BBX: variants seen among roughly 807,000 people sequenced by gnomAD.
The protein encoded by BBX is BBX high mobility group box domain containing, also known as HMG box transcription factor BBX.
A neutral mutation model predicts 100.2 loss-of-function variants in BBX; 30 were observed. The observed-to-expected ratio is 0.30, with a 90% confidence interval of 0.22 to 0.41. The LOEUF (loss-of-function observed/expected upper bound fraction) is 0.41, where lower values mean the gene tolerates loss of function less well. Among genes scored for constraint, BBX ranks in the 10% least tolerant of loss-of-function variants. The probability of loss-of-function intolerance (pLI) is 1.00; values close to 1 mark genes in which losing one functional copy is unlikely to be tolerated. For synonymous variants in BBX, 376 were observed against 388.1 expected (o/e 0.97, Z 0.37); for missense variants, 1,023 against 1,129.8 (o/e 0.91, Z 1.35).
chr3:107,591,099 T>G (rs1471960935), intron 2 of BBX, among the ~76,000 whole-genome samples: 1 of 152,190 alleles, frequency 6.6e-6, no homozygotes, highest in Non-Finnish European at 1.5e-5. Context: ...CTGGATAGAT[T>G]TTTTTCCCCC....
rs539629520 is a variant in BBX, at chr3:107,747,704, G to A, written c.751-261G>A. Among the ~76,000 whole-genome samples the A allele has an allele frequency of 3.3e-5, 5 of 150,108 alleles. No individual in the cohort carries two copies. The South Asian group carries it at 1.1e-3, about 32-fold the overall frequency. On this transcript the variant is annotated intron_variant, in intron 8 of 17. Transcript: ENST00000325805. ...TTTATGTCAACAGGTCTCCTTAACT[G>A]CTGTTTGATATATACCTGGTACCCT... is the stretch of plus-strand genomic sequence containing the variant.
chr3:107,780,969 AT>A (rs1576779149), intron 13 of BBX, among the ~76,000 whole-genome samples: 1 of 151,836 alleles, frequency 6.6e-6, no homozygotes, highest in East Asian at 1.9e-4. Context: ...TCCTCTGATA[AT>A]TTGCCATTTG....
At chr3:107,650,765 A>T (rs989913916) in intron 3 of BBX, among the ~76,000 whole-genome samples, 6 of 152,162 alleles carry the variant, frequency 3.9e-5, no homozygotes, top group African/African-American at 1.4e-4. Flanking sequence ...GCATCTTTAG[A>T]GGTTGTATTA....
At chr3:107,651,322 A>G (rs188813380) in intron 3 of BBX, among the ~76,000 whole-genome samples, 162 of 152,356 alleles carry the variant, frequency 1.1e-3, no homozygotes, top group African/African-American at 3.5e-3. Flanking sequence ...GAGACGTTTG[A>G]AATTACTGAA....
At chr3:107,615,588 A>G (rs1217472072) in intron 2 of BBX, among the ~76,000 whole-genome samples, 3 of 152,044 alleles carry the variant, frequency 2.0e-5, no homozygotes, top group Non-Finnish European at 2.9e-5. Flanking sequence ...AACTCCAAAA[A>G]CCATAACCTT....
At chr3:107,629,423 C>T (rs1422028894) in intron 2 of BBX, among the ~76,000 whole-genome samples, 1 of 152,100 alleles carries the variant, frequency 6.6e-6, no homozygotes, top group African/African-American at 2.4e-5. Flanking sequence ...AATTAGTACC[C>T]ATTATGCACA....
chr3:107,575,487 C>T (rs2051705994), intron 2 of BBX, among the ~76,000 whole-genome samples: 2 of 152,052 alleles, frequency 1.3e-5, no homozygotes, highest in Non-Finnish European at 2.9e-5. Context: ...GGAAAAAAAT[C>T]CTGGCAATAT....
Position 107,665,102 on chromosome 3 carries a change from A to G in BBX, c.-10+19193A>G, listed in dbSNP as rs191027397. 7.9e-3 allele frequency among the ~76,000 whole-genome samples: 1,201 copies of G among 152,254 alleles called. 7 individuals carry two copies. Among genetic ancestry groups the G allele is most frequent in the Non-Finnish European group, 0.012 (787 of 68,006 alleles). On this transcript the variant is annotated intron_variant, in intron 3 of 17. Coordinates refer to ENST00000325805, the MANE Select transcript of BBX (RefSeq NM_001142568.3). The stretch of plus-strand genomic sequence containing the variant: ...TTGTCAAGCTTGCTGCCACTACTAC[A>G]TGTATCTTCTGCAGTTTCCCAGGAA...
chr3:107,755,744 T>TTTAGGGAAACACTGTTA, intron 10 of BBX, 66 bp downstream of exon 10: 2 of 1,361,708 alleles, frequency 1.5e-6, no homozygotes, highest in Non-Finnish European at 2.1e-6. Context: ...ATTCTAACAG[T>TTTAGGGAAACACTGTTA]GTTTCCCTAA....
At chr3:107,615,597 T>C (rs983260101) in intron 2 of BBX, among the ~76,000 whole-genome samples, 3 of 152,088 alleles carry the variant, frequency 2.0e-5, no homozygotes, top group Non-Finnish European at 4.4e-5. Flanking sequence ...AACCATAACC[T>C]TGGGGCCTAG....
chr3:107,778,290 A>G (rs1421431578), intron 12 of BBX, 81 bp from the exon 13 acceptor site: 2 of 1,531,716 alleles, frequency 1.3e-6, no homozygotes, highest in Non-Finnish European at 1.8e-6. Flanking sequence ...TTCAAATAGA[A>G]TATCCTAAAA....
At chr3:107,695,084 CTT>C (rs1274706981) in intron 3 of BBX, among the ~76,000 whole-genome samples, 1 of 142,748 alleles carries the variant, frequency 7.0e-6, no homozygotes, top group East Asian at 2.0e-4. Flanking sequence ...ATTCTTCTCT[CTT>C]TTTTTCTTTA....
At chr3:107,745,570 G>A (rs766001313) in intron 8 of BBX, among the ~76,000 whole-genome samples, 1 of 151,804 alleles carries the variant, frequency 6.6e-6, no homozygotes, top group Non-Finnish European at 1.5e-5. Context: ...CAAGGGATCC[G>A]CTTGTCTCAG....
At chr3:107,644,483 A>G (rs1412816062) in intron 2 of BBX, among the ~76,000 whole-genome samples, 1 of 152,192 alleles carries the variant, frequency 6.6e-6, no homozygotes, top group African/African-American at 2.4e-5. Context: ...TCATAGATGT[A>G]TATGAAAAGT....
chr3:107,650,388 C>T (rs1377301557), intron 3 of BBX, among the ~76,000 whole-genome samples: 1 of 151,876 alleles, frequency 6.6e-6, no homozygotes, highest in African/African-American at 2.4e-5. Context: ...CCAAACCATC[C>T]CCCCCACCTC....
chr3:107,639,342 G>C (rs2057054904), intron 2 of BBX, among the ~76,000 whole-genome samples: 1 of 152,162 alleles, frequency 6.6e-6, no homozygotes. Flanking sequence ...GCAGGCTGAT[G>C]CCTAAACAGT....
At chr3:107,533,822 A>AT (rs371543683) in intron 2 of BBX, among the ~76,000 whole-genome samples, 8 of 151,098 alleles carry the variant, frequency 5.3e-5, no homozygotes, top group East Asian at 1.9e-4. Flanking sequence ...CTACCTGCAC[A>AT]TTTTTTTTTC....
At chr3:107,787,776 G>A (rs2107908373) in intron 13 of BBX, among the ~76,000 whole-genome samples, 1 of 152,308 alleles carries the variant, frequency 6.6e-6, no homozygotes, top group East Asian at 1.9e-4. Flanking sequence ...AAGCCTTGAA[G>A]GAGGTGAGGA....
chr3:107,688,603 A>G (rs1215753841), intron 3 of BBX, among the ~76,000 whole-genome samples: 3 of 152,124 alleles, frequency 2.0e-5, no homozygotes, highest in Non-Finnish European at 4.4e-5. Context: ...ATATTATTAT[A>G]TATTATCTAT....
Sources: gnomAD v4.1 joint callset for allele counts (sites outside exome capture counted in the v4.1 genomes callset) on GRCh38, gnomAD v4.1.1 for gene constraint, MANE v1.5 for transcripts, NCBI Gene and HGNC (gene_info 2026-07-23, HGNC 2026-07-21) for gene names.